JAML: variants seen among roughly 807,000 people sequenced by gnomAD.
The protein encoded by JAML is junctional adhesion molecule-like.
Under a neutral mutation model 39.3 loss-of-function variants are expected in JAML, and 25 were observed. That is an observed-to-expected ratio of 0.64 (90% CI 0.46 to 0.89). JAML has a LOEUF of 0.89. Ranked by LOEUF, JAML falls within the 40% of genes least tolerant of loss-of-function variation. The pLI is 0.00. For synonymous variants in JAML, 162 were observed against 179.2 expected (o/e 0.90, Z 0.77); for missense variants, 440 against 486.9 (o/e 0.90, Z 0.91).
intron 6 of JAML, chr11:118,201,142 A>G (rs11216814): frequency 0.23 from 35,020 of 152,892 alleles, 4,612 homozygotes; most frequent in African/African-American, 0.36. Context: ...TCAGAGATGA[A>G]TGATGATGTG....
rs559030480 is a variant in JAML, at chr11:118,196,875, C to T, written c.1006-54G>A. The T allele has an allele frequency of 8.6e-5, 128 of 1,485,716 alleles. No individual in the cohort carries two copies. In the South Asian group the frequency reaches 1.4e-3, roughly 16 times the overall value. 92.0% of individuals were successfully genotyped at this position (1,485,716 alleles called of 1,614,324 possible). A position where few individuals can be genotyped will look rare whatever the true frequency, so the allele number is the denominator to read the frequency against. ...CTAAAAATTAGATGAATCTTATACA[C>T]CAGAGAAAAGGCCACCCACTCCTAT... On this transcript the variant is annotated intron_variant, in intron 8 of 9. Transcript: ENST00000356289.
intron 4 of JAML, among the ~76,000 whole-genome samples, chr11:118,207,463 C>T (rs892948902): frequency 6.6e-6 from 1 of 152,124 alleles, no homozygotes; most frequent in Non-Finnish European, 1.5e-5. Context: ...TGTGGCACCC[C>T]ACATAAGTAG....
intron 7 of JAML, among the ~76,000 whole-genome samples, 166 bp downstream of exon 7, chr11:118,200,308 G>A (rs1435833540): frequency 6.6e-6 from 1 of 152,018 alleles, no homozygotes; most frequent in Non-Finnish European, 1.5e-5. Context: ...TCTTTTCCCG[G>A]GCACAGTAAG....
chr11:118,205,690 A>G, intron 5 of JAML, 192 bp downstream of exon 5: 1 of 577,072 alleles, frequency 1.7e-6, no homozygotes, highest in African/African-American at 1.9e-5. Flanking sequence ...CATCATCATC[A>G]TCTTCTTGTT....
chr11:118,218,072 AG>A (rs1281188862), intron 1 of JAML, among the ~76,000 whole-genome samples: 1 of 152,166 alleles, frequency 6.6e-6, no homozygotes, highest in Non-Finnish European at 1.5e-5. Context: ...CACTCATCCC[AG>A]GACAGGTCCC....
chr11:118,211,184 C>G (rs1045305773), intron 3 of JAML, among the ~76,000 whole-genome samples: 1 of 152,200 alleles, frequency 6.6e-6, no homozygotes, highest in Admixed American at 6.5e-5. Context: ...GCAGCAGTAT[C>G]GTAACACAAA....
chr11:118,213,808 T>C (rs1949104907), intron 2 of JAML, among the ~76,000 whole-genome samples: 1 of 151,878 alleles, frequency 6.6e-6, no homozygotes, highest in African/African-American at 2.4e-5. Flanking sequence ...CATACAGGGG[T>C]TGGACTGGTA....
intron 7 of JAML, among the ~76,000 whole-genome samples, chr11:118,199,003 T>C (rs576732346): frequency 6.6e-6 from 1 of 152,332 alleles, no homozygotes; most frequent in African/African-American, 2.4e-5. Context: ...TATTATTTTC[T>C]CTTTTATAAA....
In JAML at chr11:118,203,479, G is replaced by C. The variant is rs777849269; in HGVS notation, c.721C>G (p.Leu241Val). 1.5e-5 allele frequency: 24 copies of C among 1,614,070 alleles called. 1 individual carries two copies. In the South Asian group the frequency reaches 1.9e-4, roughly 13 times the overall value. ...AGCACAATGGTTTTCTTGAACACCA[G>C]GTTCCCTAGGTGGATACTGCAGGTG... ...NYTCSIHLGN[L>V]VFKKTIVLHV... The change falls in exon 6 of 10, where the codon CTG becomes GTG. Residue 241 changes from leucine to valine, a missense_variant. Physicochemically the swap from Leu to Val is conservative, Grantham distance 32. Coordinates refer to ENST00000356289, the MANE Select transcript of JAML (RefSeq NM_001098526.2).
At chr11:118,202,726 T>A (rs985369438) in intron 6 of JAML, 8 of 356,552 alleles carry the variant, frequency 2.2e-5, no homozygotes, top group Non-Finnish European at 4.4e-5. Flanking sequence ...GTATGAGGTA[T>A]GTTCCATCCT....
intron 1 of JAML, among the ~76,000 whole-genome samples, chr11:118,218,574 G>A (rs1949173167): frequency 6.6e-6 from 1 of 152,192 alleles, no homozygotes; most frequent in East Asian, 1.9e-4. Context: ...TGCCAGCATG[G>A]TGTGAGGTAC....
chr11:118,207,388 G>A (rs1234091755), intron 4 of JAML, among the ~76,000 whole-genome samples: 1 of 152,162 alleles, frequency 6.6e-6, no homozygotes, highest in Non-Finnish European at 1.5e-5. Context: ...GCCAGGAAAG[G>A]TAAAGCCAAC....
At chr11:118,204,065 C>G (rs1013479520) in intron 5 of JAML, 1 of 209,196 alleles carries the variant, frequency 4.8e-6, no homozygotes, top group Non-Finnish European at 1.0e-5. Context: ...CAGTCCATCC[C>G]ATTTTGGTAC....
At chr11:118,213,829 T>C (rs112192912) in intron 2 of JAML, among the ~76,000 whole-genome samples, 32 of 152,180 alleles carry the variant, frequency 2.1e-4, no homozygotes, top group Non-Finnish European at 4.3e-4. Flanking sequence ...GCTCTCTGGA[T>C]CGGAGGGCAA....
intron 4 of JAML, 117 bp downstream of exon 4, chr11:118,210,367 TCAC>T: frequency 2.7e-6 from 2 of 730,424 alleles, no homozygotes; most frequent in African/African-American, 3.5e-5. Context: ...TTTTGAAGAT[TCAC>T]TCTGTGGTAA....
intron 7 of JAML, among the ~76,000 whole-genome samples, chr11:118,199,680 T>G: frequency 1.1e-5 from 1 of 88,898 alleles, no homozygotes; most frequent in Non-Finnish European, 2.4e-5. Flanking sequence ...AAAAGCACAT[T>G]ATTATTATTA....
intron 9 of JAML, among the ~76,000 whole-genome samples, chr11:118,195,004 G>T (rs1462495576): frequency 6.6e-6 from 1 of 152,198 alleles, no homozygotes; most frequent in Non-Finnish European, 1.5e-5. Flanking sequence ...CAGGAATGGT[G>T]TTTTCAACAG....
At chr11:118,224,194 T>G (rs1288246039) in intron 1 of JAML, 1 of 152,224 alleles carries the variant, frequency 6.6e-6, no homozygotes, top group East Asian at 1.9e-4. Flanking sequence ...TGTAACACAG[T>G]CTAGGTCACA....
intron 7 of JAML, among the ~76,000 whole-genome samples, chr11:118,199,577 T>C (rs1320392885): frequency 1.3e-5 from 2 of 152,136 alleles, no homozygotes; most frequent in Admixed American, 1.3e-4. Flanking sequence ...GGGACATGGA[T>C]CTGCCAACAG....
Sources: gnomAD v4.1 joint callset for allele counts (sites outside exome capture counted in the v4.1 genomes callset) on GRCh38, gnomAD v4.1.1 for gene constraint, MANE v1.5 for transcripts, NCBI Gene and HGNC (gene_info 2026-07-23, HGNC 2026-07-21) for gene names.